TMEM38B: variants seen among roughly 807,000 people sequenced by gnomAD.
TMEM38B encodes trimeric intracellular cation channel type B.
In TMEM38B, 24 loss-of-function variants were observed where a neutral mutation model predicts 28.7. That is an observed-to-expected ratio of 0.84 (90% CI 0.61 to 1.18). The LOEUF is 1.18. TMEM38B is among the 50% of genes most tolerant of loss of function. The pLI is 0.00. For missense variants in TMEM38B, 380 were observed against 350.9 expected (o/e 1.08, Z -0.66); for synonymous variants, 131 against 127.7 (o/e 1.03, Z -0.17).
chr9:105,742,793 A>T (rs888499431), intron 4 of TMEM38B, among the ~76,000 whole-genome samples: 1 of 152,250 alleles, frequency 6.6e-6, no homozygotes, highest in East Asian at 1.9e-4. Context: ...AAAGAGTAGC[A>T]GAATAACCTT....
chr9:105,723,238 T>C (rs897121197), intron 4 of TMEM38B, among the ~76,000 whole-genome samples: 9 of 152,146 alleles, frequency 5.9e-5, no homozygotes, highest in Non-Finnish European at 1.0e-4. Context: ...ATTTATTACT[T>C]TTTTAAAGAG....
In TMEM38B at chr9:105,759,053, C is replaced by T. The variant is rs1240799928; in HGVS notation, c.660+10863C>T. 3.5e-5 allele frequency: 29 copies of T among 830,910 alleles called. No homozygotes were observed. The East Asian group carries it at 6.8e-4, about 19-fold the overall frequency. 51.5% of individuals were successfully genotyped at this position (830,910 alleles called of 1,614,324 possible). On this transcript the variant is annotated intron_variant, in intron 5 of 5. Coordinates refer to ENST00000374692, the MANE Select transcript of TMEM38B (RefSeq NM_018112.3). ...CACTACAAAACAAATCAGATGACCT[C>T]CCTCACTGGGTATTATCTGCCATGA...
chr9:105,760,612 C>A, intron 5 of TMEM38B: 1 of 771,016 alleles, frequency 1.3e-6, no homozygotes, highest in African/African-American at 1.7e-5. Flanking sequence ...AAAACTAAAA[C>A]AGTTTCAGAA....
chr9:105,744,487 A>G (rs897491525), intron 4 of TMEM38B, among the ~76,000 whole-genome samples: 1 of 152,060 alleles, frequency 6.6e-6, no homozygotes. Context: ...TGGGATGAAT[A>G]TATACTCAAG....
intron 5 of TMEM38B, chr9:105,758,247 A>C (rs979033686): frequency 1.5e-6 from 1 of 665,272 alleles, no homozygotes; most frequent in East Asian, 2.5e-5. Context: ...TATTCGTCCT[A>C]CTTTACCAGT....
intron 4 of TMEM38B, among the ~76,000 whole-genome samples, chr9:105,727,657 G>T (rs1264874497): frequency 6.6e-6 from 1 of 152,138 alleles, no homozygotes; most frequent in Non-Finnish European, 1.5e-5. Context: ...GATTAGGGAT[G>T]CTCAACCTGT....
intron 5 of TMEM38B, among the ~76,000 whole-genome samples, chr9:105,749,694 T>C (rs1417371584): frequency 1.3e-5 from 2 of 152,222 alleles, no homozygotes; most frequent in African/African-American, 4.8e-5. Flanking sequence ...AAAAGAAACA[T>C]CGTATTCTTT....
At chr9:105,752,965 G>T (rs1368523865) in intron 5 of TMEM38B, among the ~76,000 whole-genome samples, 1 of 152,202 alleles carries the variant, frequency 6.6e-6, no homozygotes, top group Non-Finnish European at 1.5e-5. Flanking sequence ...CCAGTTTAGA[G>T]AGGAACATAA....
At chr9:105,758,814 A>C (rs1231517709) in intron 5 of TMEM38B, 6 of 899,806 alleles carry the variant, frequency 6.7e-6, no homozygotes, top group Non-Finnish European at 1.1e-5. Flanking sequence ...CGAGAAAATA[A>C]AGCATGAAAT....
chr9:105,772,210 C>G (rs550560028), intron 5 of TMEM38B, among the ~76,000 whole-genome samples: 1 of 152,274 alleles, frequency 6.6e-6, no homozygotes, highest in East Asian at 1.9e-4. Flanking sequence ...GTCTGCTAGG[C>G]TTTTGGATTC....
chr9:105,714,209 C>T (rs1020333800), intron 2 of TMEM38B, among the ~76,000 whole-genome samples: 3 of 152,216 alleles, frequency 2.0e-5, no homozygotes, highest in African/African-American at 4.8e-5. Flanking sequence ...ACCCACCTTC[C>T]TCTCAGCTGA....
At chr9:105,732,610 G>A (rs535267734) in intron 4 of TMEM38B, among the ~76,000 whole-genome samples, 19 of 152,216 alleles carry the variant, frequency 1.2e-4, no homozygotes, top group African/African-American at 4.3e-4. Context: ...TCAAAGATCA[G>A]ATGGTTTTAT....
chr9:105,758,641 T>G (rs1208174092), intron 5 of TMEM38B: 1 of 806,078 alleles, frequency 1.2e-6, no homozygotes, highest in African/African-American at 1.7e-5. Flanking sequence ...CTCTTCAGAT[T>G]TCCTGCAACT....
intron 5 of TMEM38B, among the ~76,000 whole-genome samples, chr9:105,753,082 CTA>C (rs916370489): frequency 2.9e-4 from 44 of 152,170 alleles, no homozygotes; most frequent in African/African-American, 9.2e-4. Context: ...AGCTTGAAGA[CTA>C]TCTTTCTGAA....
At chr9:105,759,226 A>T (rs1837946501) in intron 5 of TMEM38B, 1 of 715,494 alleles carries the variant, frequency 1.4e-6, no homozygotes, top group South Asian at 1.6e-5. Context: ...TTATTTGTGA[A>T]CATTTTGGTT....
At position 105,705,632 on chromosome 9, in the gene TMEM38B, A is replaced by G. The variant is rs1191903531; in HGVS notation, c.148A>G (p.Ser50Gly). 3 of 1,613,892 alleles carry G rather than the reference A, an allele frequency of 1.9e-6. No homozygotes were observed. Among genetic ancestry groups the G allele is most frequent in the Non-Finnish European group, 2.5e-6 (3 of 1,179,996 alleles). The change falls in exon 2 of 6, where the codon AGC becomes GGC. Residue 50 changes from serine (S) to glycine (G), a missense_variant. Physicochemically the swap from Ser to Gly is moderately conservative, Grantham distance 56. Coordinates refer to ENST00000374692, the MANE Select transcript of TMEM38B (RefSeq NM_018112.3). ...AALAWKNPIS[S>G]WFTAMLHCFG... ...ATTGGCATGGAAGAATCCTATTTCA[A>G]GCTGGTTTACTGCTATGCTCCACTG...
chr9:105,715,291 G>C (rs777414487), intron 2 of TMEM38B, among the ~76,000 whole-genome samples: 3 of 151,918 alleles, frequency 2.0e-5, no homozygotes, highest in Non-Finnish European at 2.9e-5. Context: ...TGAAAGTCTG[G>C]TGATCTTTTA....
chr9:105,734,242 T>C (rs1053252029), intron 4 of TMEM38B, among the ~76,000 whole-genome samples: 8 of 152,176 alleles, frequency 5.3e-5, no homozygotes, highest in Non-Finnish European at 1.0e-4. Flanking sequence ...CACATATTTT[T>C]GAATTTTCCA....
At chr9:105,732,381 C>T (rs1699149957) in intron 4 of TMEM38B, among the ~76,000 whole-genome samples, 1 of 152,138 alleles carries the variant, frequency 6.6e-6, no homozygotes, top group Non-Finnish European at 1.5e-5. Context: ...GAAGTCTTTG[C>T]CCATGCCTTT....
Sources: gnomAD v4.1 joint callset for allele counts (sites outside exome capture counted in the v4.1 genomes callset) on GRCh38, gnomAD v4.1.1 for gene constraint, MANE v1.5 for transcripts, NCBI Gene and HGNC (gene_info 2026-07-23, HGNC 2026-07-21) for gene names.